The following CCNK variants were observed in gnomAD, a reference collection of about 807,000 sequenced individuals.
The protein encoded by CCNK is cyclin K.
A neutral mutation model predicts 65.0 loss-of-function variants in CCNK; 9 were observed. That is an observed-to-expected ratio of 0.14 (90% confidence interval 0.08 to 0.24). CCNK has a LOEUF of 0.24. Ranked by LOEUF, CCNK falls within the 10% of genes least tolerant of loss-of-function variation. CCNK has a pLI of 1.00. For synonymous variants in CCNK, 279 were observed against 270.8 expected (o/e 1.03, Z -0.30); for missense variants, 474 against 720.0 (o/e 0.66, Z 3.91).
rs3918076 is a variant in CCNK, at chr14:99,497,542, G to A, written c.411+1913G>A. Among the ~76,000 whole-genome samples, 21 of 152,338 alleles carry A rather than the reference G, an allele frequency of 1.4e-4. No homozygotes were observed. The South Asian group carries it at 2.9e-3, about 21-fold the overall frequency. On this transcript the variant is annotated intron_variant, in intron 4 of 10. Transcript: ENST00000389879. The stretch of plus-strand genomic sequence containing the variant: ...CAGAGTAGGCATTCAGCAAGTACTC[G>A]TGGAATAAATGTCAAACTAATGGTC...
At position 99,486,196 on chromosome 14, in the gene CCNK, A is replaced by G. The variant is rs576446257; in HGVS notation, c.-53+4717A>G. 5.9e-5 allele frequency among the ~76,000 whole-genome samples: 9 copies of G among 152,322 alleles called. No homozygotes were observed. The South Asian group carries it at 1.7e-3, about 28-fold the overall frequency. ...CACTGTTGACTACCATCTCTGGTTT[A>G]AAGCTGACATCCCATGGTTTGTTTT... On this transcript the variant is annotated intron_variant, in intron 1 of 10. Transcript: ENST00000389879.
chr14:99,492,705 C>T lies in CCNK; in HGVS notation c.28C>T (p.Pro10Ser). 1 of 1,607,490 alleles carries T rather than the reference C, an allele frequency of 6.2e-7. No homozygotes were observed. The highest frequency in any genetic ancestry group is 8.5e-7 in the Non-Finnish European group (1 of 1,178,098). The change falls in exon 2 of 11, where the codon CCT (proline) becomes TCT (serine). Residue 10 changes from proline to serine, a missense_variant. By Grantham distance (74) the Pro-to-Ser change is moderately conservative. Coordinates refer to ENST00000389879, the MANE Select transcript of CCNK (RefSeq NM_001099402.2). Reference sequence around the variant, plus strand: ...GAAGGAGAATAAAGAAAATTCAAGCCCTTCAGTAACTTCAGCAAACCTGGA... The same window carrying T: ...GAAGGAGAATAAAGAAAATTCAAGCTCTTCAGTAACTTCAGCAAACCTGGA... MKENKENSS[P>S]SVTSANLDHT...
At chr14:99,501,005 A>G (rs1896810231) in intron 5 of CCNK, 134 bp downstream of exon 5, 3 of 655,082 alleles carry the variant, frequency 4.6e-6, no homozygotes, top group South Asian at 1.8e-5. Context: ...TGGCTTGCTC[A>G]GTCAATTCAG....
At chr14:99,488,923 T>TC (rs1366228543) in intron 1 of CCNK, among the ~76,000 whole-genome samples, 1 of 151,914 alleles carries the variant, frequency 6.6e-6, no homozygotes, top group Admixed American at 6.5e-5. Flanking sequence ...CTTTTTTTTT[T>TC]TTTTCCCTAG....
intron 5 of CCNK, 30 bp from the exon 6 acceptor site, chr14:99,501,326 A>G (rs753268667): frequency 1.4e-6 from 2 of 1,463,612 alleles, no homozygotes; most frequent in South Asian, 1.1e-5. Flanking sequence ...TTCTATTGCT[A>G]TTAATTTACC....
intron 1 of CCNK, among the ~76,000 whole-genome samples, chr14:99,482,742 G>C (rs1379900847): frequency 6.6e-6 from 1 of 152,138 alleles, no homozygotes; most frequent in African/African-American, 2.4e-5. Flanking sequence ...TTGTTAATGA[G>C]GTTCTTAAAT....
At chr14:99,510,013 G>A in intron 10 of CCNK, 144 bp from the exon 11 acceptor site, 1 of 754,910 alleles carries the variant, frequency 1.3e-6, no homozygotes, top group Non-Finnish European at 2.1e-6. Context: ...CAGGACATGG[G>A]GCATGGGCCC....
At chr14:99,509,055 C>T (rs2139884250) in intron 10 of CCNK, 1 of 152,342 alleles carries the variant, frequency 6.6e-6, no homozygotes, top group Non-Finnish European at 1.5e-5. Flanking sequence ...CTGTTACCGA[C>T]CTGATGAAAT....
chr14:99,488,836 C>A (rs1896544099), intron 1 of CCNK, among the ~76,000 whole-genome samples: 1 of 151,792 alleles, frequency 6.6e-6, no homozygotes, highest in Non-Finnish European at 1.5e-5. Context: ...TTATGATCAA[C>A]CACAGTTATT....
At chr14:99,506,715 T>G in intron 9 of CCNK, 1 of 260,086 alleles carries the variant, frequency 3.8e-6, no homozygotes, top group South Asian at 4.5e-5. Flanking sequence ...GACCCTTCTT[T>G]GTGTCCTCTG....
chr14:99,510,173 C>T lies in CCNK; in HGVS notation c.1134C>T (p.Leu378=), dbSNP rs1396974445. 5.6e-6 allele frequency: 9 copies of T among 1,597,740 alleles called. No homozygotes were observed. The highest frequency in any genetic ancestry group is 1.3e-5 in the African/African-American group (1 of 74,784). The change falls in exon 11 of 11, where the codon CTC becomes CTT. Residue 378 remains leucine, a synonymous_variant. Coordinates refer to ENST00000389879, the MANE Select transcript of CCNK (RefSeq NM_001099402.2). ...AHPPPDRKPP[L]AAALGEAEPP... ...CTCCTGCAGACCGGAAGCCTCCCCT[C>T]GCTGCTGCCTTAGGTGAGGCTGAGC...
At chr14:99,491,314 A>G (rs1773048402) in intron 1 of CCNK, among the ~76,000 whole-genome samples, 1 of 152,214 alleles carries the variant, frequency 6.6e-6, no homozygotes, top group African/African-American at 2.4e-5. Flanking sequence ...GATATCGTCA[A>G]CTTCTCTGTG....
At chr14:99,496,600 C>A (rs972011266) in intron 4 of CCNK, among the ~76,000 whole-genome samples, 1 of 151,980 alleles carries the variant, frequency 6.6e-6, no homozygotes, top group African/African-American at 2.4e-5. Flanking sequence ...GTCCCAGCTA[C>A]TCGGGAGGTT....
In CCNK at chr14:99,502,444, G is replaced by A. The variant is rs1043501033; in HGVS notation, c.745+68G>A. ...GAGATGATTCTTCCATGTGTACCCT[G>A]AGTCCCAAGAATGGATTTTCCCAGA... On this transcript the variant is annotated intron_variant, in intron 7 of 10. Coordinates refer to ENST00000389879, the MANE Select transcript of CCNK (RefSeq NM_001099402.2). The A allele has an allele frequency of 3.2e-6, 5 of 1,548,518 alleles. No individual in the cohort carries two copies. In the Admixed American group the frequency reaches 8.2e-5, roughly 25 times the overall value.
At chr14:99,506,004 A>T (rs1896964067) in intron 9 of CCNK, 1 of 152,532 alleles carries the variant, frequency 6.6e-6, no homozygotes, top group Non-Finnish European at 1.5e-5. Context: ...AGGTGAGAGT[A>T]ATAGCAGTTA....
At chr14:99,497,726 A>G (rs942283235) in intron 4 of CCNK, among the ~76,000 whole-genome samples, 28 of 152,156 alleles carry the variant, frequency 1.8e-4, no homozygotes, top group Admixed American at 1.0e-3. Context: ...CATTCTCCTC[A>G]TTGCTTTGAG....
chr14:99,483,207 T>C (rs1896399030), intron 1 of CCNK, among the ~76,000 whole-genome samples: 1 of 152,020 alleles, frequency 6.6e-6, no homozygotes, highest in Admixed American at 6.6e-5. Flanking sequence ...TATGAGTACT[T>C]GGGAAAGGAG....
rs1419720129 is a variant in CCNK, at chr14:99,493,527, C to A, written c.211C>A (p.Leu71Met). The change falls in exon 3 of 11, where the codon CTG becomes ATG. Residue 71 changes from leucine to methionine, a missense_variant. Around this residue, in one of 6 missense-constraint regions of CCNK, gnomAD observed 87 missense variants for 166.2 expected, o/e 0.52. Coordinates refer to ENST00000389879, the MANE Select transcript of CCNK (RefSeq NM_001099402.2). ...GTRLGLHYDT[L>M]ATGIIYFHRF... The stretch of plus-strand genomic sequence containing the variant: ...CCAGAACAACAGACACTATGATACC[C>A]TGGCAACTGGAATAATTTATTTTCA... 1 of 1,612,066 alleles carries A rather than the reference C, an allele frequency of 6.2e-7. No homozygotes were observed. Among genetic ancestry groups the A allele is most frequent in the Admixed American group, 1.7e-5 (1 of 59,916 alleles).
Position 99,503,636 on chromosome 14 carries a change from A to G in CCNK, c.1037A>G (p.Lys346Arg). Residue 346 changes from lysine to arginine, a missense_variant, in exon 9 of 11, where the codon AAA (lysine) becomes AGA (arginine). Coordinates refer to ENST00000389879, the MANE Select transcript of CCNK (RefSeq NM_001099402.2). ...AVVVSPKEEN[K>R]AAEPPPPKIP... is the part of the protein sequence containing the mutation. ...GTTGTTTCTCCCAAAGAAGAGAACAAAGCAGCAGGTAATTTCCTGTTCTGA... is the reference window on the plus strand; with the variant it reads ...GTTGTTTCTCCCAAAGAAGAGAACAGAGCAGCAGGTAATTTCCTGTTCTGA... 2 of 1,560,208 alleles carry G rather than the reference A, an allele frequency of 1.3e-6. No homozygotes were observed. Among genetic ancestry groups the G allele is most frequent in the Non-Finnish European group, 1.7e-6 (2 of 1,150,054 alleles).
Sources: gnomAD v4.1 joint callset for allele counts (sites outside exome capture counted in the v4.1 genomes callset) on GRCh38, gnomAD v4.1.1 for gene constraint, gnomAD v4.1.1 regional missense constraint, MANE v1.5 for transcripts, NCBI Gene and HGNC (gene_info 2026-07-23, HGNC 2026-07-21) for gene names.